The following CSMD3 variants were observed in gnomAD, a reference collection of about 807,000 sequenced individuals.
The protein encoded by CSMD3 is CUB and sushi domain-containing protein 3.
In CSMD3, 177 loss-of-function variants were observed where a neutral mutation model predicts 435.2. The ratio of observed to expected loss-of-function variants is 0.41; its 90% CI spans 0.36 to 0.46. The LOEUF is 0.46. Among genes scored for constraint, CSMD3 ranks in the 20% least tolerant of loss-of-function variants. The pLI is 0.34. For synonymous variants in CSMD3, 1,656 were observed against 1,520.5 expected, an observed-to-expected ratio of 1.09 and a Z score of -2.07; for missense variants, 4,265 against 4,504.6, an observed-to-expected ratio of 0.95 and a Z score of 1.52.
intron 39 of CSMD3, 103 bp downstream of exon 39, chr8:112,352,313 A>C (rs539745404): frequency 1.3e-6 from 2 of 1,570,086 alleles, no homozygotes; most frequent in East Asian, 2.3e-5. Flanking sequence ...TCAGACACAA[A>C]CCAGGATCAA....
Position 113,420,532 on chromosome 8 carries a change from G to A in CSMD3, c.178+16145C>T, listed in dbSNP as rs189563338. ...AAATAGAAATAAAATTAGAAAAAATGCTTAATATTTATGTCTACAATTTTA... is the reference window on the plus strand; with the variant it reads ...AAATAGAAATAAAATTAGAAAAAATACTTAATATTTATGTCTACAATTTTA... On this transcript the variant is annotated intron_variant, in intron 1 of 70. Coordinates refer to ENST00000297405, the MANE Select transcript of CSMD3 (RefSeq NM_198123.2). Among the ~76,000 whole-genome samples the A allele has an allele frequency of 3.3e-5, 5 of 152,026 alleles. No individual in the cohort carries two copies. The East Asian group carries it at 5.8e-4, about 18-fold the overall frequency.
intron 13 of CSMD3, among the ~76,000 whole-genome samples, chr8:112,713,843 G>T (rs1431732776): frequency 1.3e-5 from 2 of 152,074 alleles, no homozygotes; most frequent in Non-Finnish European, 2.9e-5. Flanking sequence ...AAGGGAAGGA[G>T]AAATAACCTC....
intron 22 of CSMD3, among the ~76,000 whole-genome samples, chr8:112,609,201 C>CAAAAAAAGAAAAAAAAAAAAAAAA (rs1833046408): frequency 2.3e-5 from 1 of 43,106 alleles, no homozygotes; most frequent in African/African-American, 9.5e-5. Context: ...GATACTGCCT[C>CAAAAAAAGAAAAAAAAAAAAAAAA]AAAAAAAAAA....
In CSMD3 at chr8:113,182,784, G is replaced by A. The variant is rs542840414; in HGVS notation, c.515-8868C>T. 3.9e-5 allele frequency among the ~76,000 whole-genome samples: 6 copies of A among 152,104 alleles called. No individual in the cohort carries two copies. In the East Asian group the frequency reaches 1.2e-3, roughly 30 times the overall value. On this transcript the variant is annotated intron_variant, in intron 3 of 70. Coordinates refer to ENST00000297405, the MANE Select transcript of CSMD3 (RefSeq NM_198123.2). ...GGTTGCTGCAAATATTGAATTAGAGGCTACTGAGTTGAATGAGAAGATGTT... is the reference window on the plus strand; with the variant it reads ...GGTTGCTGCAAATATTGAATTAGAGACTACTGAGTTGAATGAGAAGATGTT...
chr8:112,341,822 C>T, intron 41 of CSMD3, 136 bp from the exon 42 acceptor site: 2 of 707,308 alleles, frequency 2.8e-6, no homozygotes, highest in South Asian at 1.6e-5. Context: ...AGATCTGAGT[C>T]ATGGATTTGC....
At chr8:112,798,159 G>A (rs971798179) in intron 13 of CSMD3, among the ~76,000 whole-genome samples, 4 of 151,850 alleles carry the variant, frequency 2.6e-5, no homozygotes, top group African/African-American at 7.2e-5. Context: ...AAGGATGAGC[G>A]AGAAGGTGCT....
intron 9 of CSMD3, among the ~76,000 whole-genome samples, chr8:112,937,579 G>A (rs2083323025): frequency 6.6e-6 from 1 of 152,012 alleles, no homozygotes; most frequent in Non-Finnish European, 1.5e-5. Flanking sequence ...TTGAACTCCT[G>A]ACCTCAGGTG....
chr8:112,947,940 T>C (rs2130799023), intron 8 of CSMD3, 63 bp from the exon 9 acceptor site: 2 of 736,140 alleles, frequency 2.7e-6, no homozygotes, highest in South Asian at 3.1e-5. Context: ...ATCGATGATA[T>C]TAATTTTAAA....
intron 11 of CSMD3, among the ~76,000 whole-genome samples, chr8:112,849,347 G>T (rs2080419200): frequency 6.6e-6 from 1 of 151,896 alleles, no homozygotes; most frequent in South Asian, 2.1e-4. Flanking sequence ...AGAGCAGGGG[G>T]TGGTCAAAAA....
At chr8:112,456,963 G>A (rs1047619087) in intron 32 of CSMD3, among the ~76,000 whole-genome samples, 1 of 152,062 alleles carries the variant, frequency 6.6e-6, no homozygotes, top group Non-Finnish European at 1.5e-5. Context: ...ATGTGTTCCT[G>A]AGAAATTATA....
intron 20 of CSMD3, among the ~76,000 whole-genome samples, chr8:112,639,857 C>T (rs778903769): frequency 3.9e-5 from 6 of 151,992 alleles, no homozygotes; most frequent in African/African-American, 7.2e-5. Context: ...AAGTCGTTTG[C>T]GTTTTACCAC....
At chr8:113,291,235 T>C (rs2093684271) in intron 2 of CSMD3, among the ~76,000 whole-genome samples, 1 of 151,672 alleles carries the variant, frequency 6.6e-6, no homozygotes, top group Non-Finnish European at 1.5e-5. Context: ...TATGTATCTG[T>C]TTTAAACATA....
chr8:112,526,712 C>T (rs1251313084), intron 27 of CSMD3, among the ~76,000 whole-genome samples: 1 of 151,656 alleles, frequency 6.6e-6, no homozygotes, highest in Admixed American at 6.6e-5. Context: ...GTGGCCTTTG[C>T]TCACTTTAAA....
At chr8:112,233,261 C>T (rs1012631834) in intron 68 of CSMD3, among the ~76,000 whole-genome samples, 18 of 152,134 alleles carry the variant, frequency 1.2e-4, no homozygotes, top group African/African-American at 3.6e-4. Flanking sequence ...TGAGTCCTCA[C>T]TCTAAAAAGC....
chr8:112,291,143 T>C (rs948584252), intron 56 of CSMD3, among the ~76,000 whole-genome samples: 1 of 151,962 alleles, frequency 6.6e-6, no homozygotes, highest in Non-Finnish European at 1.5e-5. Context: ...TCTGAATCCA[T>C]GATGGATGTT....
intron 1 of CSMD3, among the ~76,000 whole-genome samples, chr8:113,344,527 C>G (rs1042156181): frequency 6.6e-6 from 1 of 152,128 alleles, no homozygotes; most frequent in African/African-American, 2.4e-5. Flanking sequence ...TCACTTCTCT[C>G]AATTCTACTA....
chr8:112,816,191 T>C (rs897472759), intron 12 of CSMD3, among the ~76,000 whole-genome samples: 1 of 152,108 alleles, frequency 6.6e-6, no homozygotes, highest in Non-Finnish European at 1.5e-5. Flanking sequence ...CCTTTATAAT[T>C]GCTGTTAACA....
rs1213326288 is a variant in CSMD3 at position 112,346,082 on chromosome 8, T to C, written c.6442+15A>G. The C allele has an allele frequency of 6.7e-6, 9 of 1,352,418 alleles. No individual in the cohort carries two copies. Among genetic ancestry groups the C allele is most frequent in the Non-Finnish European group, 9.6e-6 (9 of 941,188 alleles). The allele number at this position is 1,352,418 out of a possible 1,614,324, so 83.8% of individuals were successfully genotyped here. ...AAATATTGAAAGCTCTTTCACGTGT[T>C]TTTAATACACATACCAAAACCTATG... On this transcript the variant is annotated intron_variant, in intron 41 of 70. Transcript: ENST00000297405.
At chr8:112,801,049 GA>G (rs1355885173) in intron 12 of CSMD3, among the ~76,000 whole-genome samples, 1 of 151,946 alleles carries the variant, frequency 6.6e-6, no homozygotes, top group Non-Finnish European at 1.5e-5. Context: ...GAATAGGAAA[GA>G]GGAAAAAATG....
Sources: gnomAD v4.1 joint callset for allele counts (sites outside exome capture counted in the v4.1 genomes callset) on GRCh38, gnomAD v4.1.1 for gene constraint, MANE v1.5 for transcripts, NCBI Gene and HGNC (gene_info 2026-07-23, HGNC 2026-07-21) for gene names.